Variants in FBXO16 observed in about 807,000 individuals in gnomAD.
FBXO16 encodes the protein F-box protein 16.
A neutral mutation model predicts 41.0 loss-of-function variants in FBXO16; 31 were observed. The observed-to-expected ratio is 0.76, with a 90% CI of 0.57 to 1.02. FBXO16 has a LOEUF of 1.02. Ranked by LOEUF, FBXO16 falls within the 50% of genes least tolerant of loss-of-function variation. FBXO16 has a pLI of 0.00. For missense variants in FBXO16, 361 were observed against 346.2 expected (o/e 1.04, Z -0.34); for synonymous variants, 133 against 117.8 (o/e 1.13, Z -0.84).
chr8:28,463,640 T>G lies in FBXO16; in HGVS notation c.314A>C (p.Asp105Ala), dbSNP rs372271015. The G allele has an allele frequency of 1.7e-5, 27 of 1,613,906 alleles. No individual in the cohort carries two copies. The highest frequency in any genetic ancestry group is 2.2e-5 in the Non-Finnish European group (26 of 1,179,994). Residue 105 changes from aspartate (D) to alanine (A), a missense_variant, in exon 4 of 9, where the codon GAC (aspartate) becomes GCC (alanine). Coordinates refer to ENST00000380254, the MANE Select transcript of FBXO16 (RefSeq NM_172366.4). ...VLSLYIFSFL[D>A]PRSLCRCAQV... ...TGCACAACGACAAAGGCTCCGAGGG[T>G]CCAGGAAAGAAAAGATGTATAAAGA...
chr8:28,459,542 C>T (rs1057233768), intron 4 of FBXO16, among the ~76,000 whole-genome samples: 29 of 151,076 alleles, frequency 1.9e-4, no homozygotes, highest in Admixed American at 8.6e-4. Flanking sequence ...TGCTTGAACC[C>T]GGGGTGGGCG....
chr8:28,460,629 T>G (rs765645258), intron 4 of FBXO16, among the ~76,000 whole-genome samples: 66 of 151,752 alleles, frequency 4.3e-4, no homozygotes, highest in Admixed American at 1.2e-3. Flanking sequence ...TTCACCATAT[T>G]GGCCAGGCTG....
chr8:28,462,695 T>G (rs1264910531), intron 4 of FBXO16, among the ~76,000 whole-genome samples: 2 of 152,220 alleles, frequency 1.3e-5, no homozygotes, highest in African/African-American at 4.8e-5. Flanking sequence ...ACAAAATGAC[T>G]ATCAGTTTTA....
intron 3 of FBXO16, among the ~76,000 whole-genome samples, chr8:28,472,039 A>G (rs1330067579): frequency 6.6e-6 from 1 of 152,120 alleles, no homozygotes; most frequent in African/African-American, 2.4e-5. Context: ...CCAAATGGGT[A>G]AACTGTGCTG....
intron 7 of FBXO16, among the ~76,000 whole-genome samples, chr8:28,444,424 T>A (rs1802828665): frequency 6.9e-6 from 1 of 145,398 alleles, no homozygotes; most frequent in African/African-American, 2.6e-5. Context: ...TGCTTCAGCC[T>A]CCAGAGTAGC....
At position 28,456,826 on chromosome 8, in the gene FBXO16, C is replaced by G; in HGVS notation, c.447G>C (p.Gln149His). Residue 149 changes from glutamine to histidine, a missense_variant, in exon 5 of 9, where the codon CAG becomes CAC. Coordinates refer to ENST00000380254, the MANE Select transcript of FBXO16 (RefSeq NM_172366.4). ...YINFSPTPFE[Q>H]GIWKKHYIQM... ...GAATATAGTGCTTCTTCCAGATCCC[C>G]TGCTCAAAGGGAGTTGGAGAGAAAT... 2 of 1,614,122 alleles carry G rather than the reference C, an allele frequency of 1.2e-6. No homozygotes were observed. The highest frequency in any genetic ancestry group is 4.5e-5 in the East Asian group (2 of 44,886).
chr8:28,454,510 C>T (rs1013832637), intron 5 of FBXO16, among the ~76,000 whole-genome samples: 9 of 151,398 alleles, frequency 5.9e-5, no homozygotes, highest in East Asian at 1.9e-4. Flanking sequence ...GGGCGGATCA[C>T]GAGGTCAGAA....
At chr8:28,473,086 G>C (rs919662331) in intron 3 of FBXO16, among the ~76,000 whole-genome samples, 2 of 152,206 alleles carry the variant, frequency 1.3e-5, no homozygotes, top group Non-Finnish European at 2.9e-5. Context: ...TACCAGGAAA[G>C]CTGATGGTAG....
intron 6 of FBXO16, among the ~76,000 whole-genome samples, chr8:28,450,548 G>C (rs940065317): frequency 1.3e-5 from 2 of 151,986 alleles, no homozygotes; most frequent in African/African-American, 4.8e-5. Context: ...TGAGCTTCAG[G>C]GTTGCTCCGT....
chr8:28,441,948 T>A (rs975444854), intron 7 of FBXO16, among the ~76,000 whole-genome samples: 1,659 of 69,206 alleles, frequency 0.024, 37 homozygotes, highest in African/African-American at 0.088. Flanking sequence ...GTGTGTGTAT[T>A]TTTTTTTTTT....
intron 6 of FBXO16, among the ~76,000 whole-genome samples, chr8:28,449,262 G>C (rs761867830): frequency 2.7e-5 from 4 of 147,310 alleles, no homozygotes; most frequent in Non-Finnish European, 6.0e-5. Flanking sequence ...GGACAAAACA[G>C]AAGAAAAGAA....
At chr8:28,434,275 T>C (rs1802654597) in intron 7 of FBXO16, among the ~76,000 whole-genome samples, 1 of 152,156 alleles carries the variant, frequency 6.6e-6, no homozygotes, top group Non-Finnish European at 1.5e-5. Flanking sequence ...ATTGATTTTT[T>C]TGTTTGTTGT....
At chr8:28,438,690 A>G (rs1217658407) in intron 7 of FBXO16, among the ~76,000 whole-genome samples, 1 of 152,234 alleles carries the variant, frequency 6.6e-6, no homozygotes, top group East Asian at 1.9e-4. Flanking sequence ...CATGTTACAC[A>G]TGAGGAAAAA....
At chr8:28,477,556 A>G (rs1196882964) in intron 2 of FBXO16, among the ~76,000 whole-genome samples, 1 of 152,216 alleles carries the variant, frequency 6.6e-6, no homozygotes, top group East Asian at 1.9e-4. Context: ...TTCTTTGTTT[A>G]CTTATATGTA....
rs368601370 is a variant in FBXO16 at position 28,433,530 on chromosome 8, A to G, written c.844-4127T>C. Among the ~76,000 whole-genome samples, 34 of 152,208 alleles carry G rather than the reference A, an allele frequency of 2.2e-4. 1 individual carries two copies. The South Asian group carries it at 4.6e-3, about 20-fold the overall frequency. On this transcript the variant is annotated intron_variant, in intron 7 of 8. Coordinates refer to ENST00000380254, the MANE Select transcript of FBXO16 (RefSeq NM_172366.4). ...TGGGGAGAGGCATGAACCTTAATAC[A>G]ACTGCCTGCCCAAGATTCCCGGGAC...
Position 28,463,680 on chromosome 8 carries a change from G to GCGAAA in FBXO16, c.273_274insTTTCG (p.Leu92PhefsTer42), listed in dbSNP as rs747556196. 8 of 1,614,222 alleles carry GCGAAA rather than the reference G, an allele frequency of 5.0e-6. No homozygotes were observed. Among genetic ancestry groups the GCGAAA allele is most frequent in the Non-Finnish European group, 4.2e-6 (5 of 1,180,028 alleles). On this transcript the variant is annotated frameshift_variant, in exon 4 of 9. Transcript: ENST00000380254. LOFTEE classifies it high-confidence loss of function. ...ATGTATAAAGATAACACCCTTGGAAGCTTGGTTGTAAAGTCCAGGGCTTCT... is the reference window on the plus strand; with the variant it reads ...ATGTATAAAGATAACACCCTTGGAAGCGAAACTTGGTTGTAAAGTCCAGGGCTTCT...
intron 4 of FBXO16, among the ~76,000 whole-genome samples, chr8:28,460,354 AG>A: frequency 6.9e-6 from 1 of 145,226 alleles, no homozygotes; most frequent in African/African-American, 2.6e-5. Context: ...GCCTTAAGCA[AG>A]CAATCTTCCT....
chr8:28,490,139 C>T (rs1430808749), intron 1 of FBXO16, 47 bp downstream of exon 1: 1 of 152,174 alleles, frequency 6.6e-6, no homozygotes, highest in African/African-American at 2.4e-5. Context: ...TGGAGCTTTC[C>T]AAAGAGAGAG....
chr8:28,489,742 T>G (rs1803661185), intron 1 of FBXO16, among the ~76,000 whole-genome samples: 1 of 151,168 alleles, frequency 6.6e-6, no homozygotes, highest in African/African-American at 2.4e-5. Flanking sequence ...CTTGTAGAAT[T>G]GTAGAAATGT....
Sources: gnomAD v4.1 joint callset for allele counts (sites outside exome capture counted in the v4.1 genomes callset) on GRCh38, gnomAD v4.1.1 for gene constraint, MANE v1.5 for transcripts, NCBI Gene and HGNC (gene_info 2026-07-23, HGNC 2026-07-21) for gene names.